ULK4: variants seen among roughly 807,000 people sequenced by gnomAD.
ULK4 encodes the protein inactive serine/threonine-protein kinase ULK4.
A neutral mutation model predicts 160.6 loss-of-function variants in ULK4; 133 were observed. The observed-to-expected ratio is 0.83, with a 90% CI of 0.72 to 0.96. The LOEUF is 0.96. ULK4 is among the 40% of genes least tolerant of loss of function. ULK4 has a pLI of 0.00. For missense variants in ULK4, 1,580 were observed against 1,499.5 expected, an observed-to-expected ratio of 1.05 and a Z score of -0.89; for synonymous variants, 534 against 539.8, an observed-to-expected ratio of 0.99 and a Z score of 0.15.
chr3:41,902,588 G>GAAAAAAAAAAAAAA, intron 12 of ULK4, among the ~76,000 whole-genome samples: 1 of 94,792 alleles, frequency 1.1e-5, no homozygotes, highest in Non-Finnish European at 2.2e-5. Flanking sequence ...AAAAAAAAAA[G>GAAAAAAAAAAAAAA]AAAAAAAAAA....
intron 2 of ULK4, among the ~76,000 whole-genome samples, chr3:41,953,300 ATATATTTT>A (rs1285068179): frequency 3.4e-4 from 38 of 111,950 alleles, no homozygotes; most frequent in African/African-American, 1.5e-3. Context: ...ATATATATAT[ATATATTTT>A]TTTTTTTTTT....
intron 17 of ULK4, chr3:41,882,008 G>A (rs1697538941): frequency 9.6e-6 from 5 of 519,032 alleles, no homozygotes; most frequent in Non-Finnish European, 1.4e-5. Flanking sequence ...GCAACAGCAA[G>A]TACCAGTAGA....
At chr3:41,739,738 A>T (rs2038179666) in intron 22 of ULK4, among the ~76,000 whole-genome samples, 1 of 151,526 alleles carries the variant, frequency 6.6e-6, no homozygotes, top group African/African-American at 2.4e-5. Context: ...GTCAACAAAG[A>T]CTCCTTCTCC....
intron 30 of ULK4, among the ~76,000 whole-genome samples, chr3:41,624,817 T>C (rs2033420856): frequency 6.6e-6 from 1 of 152,230 alleles, no homozygotes; most frequent in African/African-American, 2.4e-5. Flanking sequence ...TGCTGCGTTT[T>C]TTTCTATTCA....
intron 30 of ULK4, among the ~76,000 whole-genome samples, chr3:41,661,271 T>C (rs186878573): frequency 2.0e-5 from 3 of 152,176 alleles, no homozygotes; most frequent in Non-Finnish European, 2.9e-5. Flanking sequence ...AAATATGATA[T>C]GAAAAGATCT....
rs1338493199 is a variant in ULK4 at position 41,304,215 on chromosome 3, G to A, written c.3679-54641C>T. 2.8e-5 allele frequency among the ~76,000 whole-genome samples: 4 copies of A among 143,434 alleles called. No homozygotes were observed. The South Asian group carries it at 8.7e-4, about 31-fold the overall frequency. 94.1% of individuals were successfully genotyped at this position (143,434 alleles called of 152,430 possible). On this transcript the variant is annotated intron_variant, in intron 35 of 36. Transcript: ENST00000301831. ...TTGAGCCCAGGAGACGGAGGTTGCA[G>A]TGAGCCAAGATCGCGCCATTGCACT...
At chr3:41,561,013 CTCT>C (rs775477261) in intron 32 of ULK4, among the ~76,000 whole-genome samples, 3 of 152,150 alleles carry the variant, frequency 2.0e-5, no homozygotes, top group East Asian at 1.9e-4. Context: ...TCATAAATAG[CTCT>C]TCTTATTTTG....
At chr3:41,856,557 A>G (rs1163008956) in intron 17 of ULK4, among the ~76,000 whole-genome samples, 3 of 42,938 alleles carry the variant, frequency 7.0e-5, no homozygotes, top group African/African-American at 1.3e-4. Context: ...ATGTGTATAT[A>G]TATACACATA....
chr3:41,486,913 T>G (rs540965639), intron 32 of ULK4, among the ~76,000 whole-genome samples: 30 of 152,242 alleles, frequency 2.0e-4, no homozygotes, highest in African/African-American at 7.0e-4. Context: ...CAGATTTGGT[T>G]AGGTAATCTA....
chr3:41,430,413 T>G (rs1453514462), intron 34 of ULK4, among the ~76,000 whole-genome samples: 2 of 152,216 alleles, frequency 1.3e-5, no homozygotes, highest in African/African-American at 4.8e-5. Context: ...ACTATAGGAC[T>G]TGGTTGCCCC....
chr3:41,740,798 T>G (rs1459003255), intron 22 of ULK4, among the ~76,000 whole-genome samples: 1 of 151,874 alleles, frequency 6.6e-6, no homozygotes, highest in African/African-American at 2.4e-5. Context: ...AAGGGACAAG[T>G]AAGGAAGGAA....
At chr3:41,635,047 C>A (rs535910233) in intron 30 of ULK4, among the ~76,000 whole-genome samples, 2 of 152,246 alleles carry the variant, frequency 1.3e-5, no homozygotes, top group East Asian at 3.9e-4. Flanking sequence ...GAAATGAAAA[C>A]GGTCAAAAAG....
chr3:41,754,317 C>T (rs1214886582), intron 22 of ULK4, 44 bp downstream of exon 22: 2 of 1,586,138 alleles, frequency 1.3e-6, no homozygotes, highest in African/African-American at 1.4e-5. Flanking sequence ...ATACAACAGG[C>T]ACTAAATTGA....
chr3:41,841,444 C>T (rs1396302423), intron 17 of ULK4, among the ~76,000 whole-genome samples: 2 of 145,582 alleles, frequency 1.4e-5, no homozygotes, highest in Non-Finnish European at 3.0e-5. Flanking sequence ...GAAGTGGGCA[C>T]CTCTGCCCGG....
chr3:41,597,398 G>A (rs527339256), intron 31 of ULK4, among the ~76,000 whole-genome samples: 8 of 152,210 alleles, frequency 5.3e-5, no homozygotes, highest in East Asian at 3.9e-4. Flanking sequence ...ATCAAGACAC[G>A]GCAAATTTTA....
At chr3:41,450,288 C>A (rs1053465698) in intron 34 of ULK4, among the ~76,000 whole-genome samples, 1 of 151,992 alleles carries the variant, frequency 6.6e-6, no homozygotes, top group African/African-American at 2.4e-5. Context: ...CTATGGTTAC[C>A]AACTGAGGGT....
chr3:41,475,020 T>A (rs774690910), intron 32 of ULK4, among the ~76,000 whole-genome samples: 2 of 152,094 alleles, frequency 1.3e-5, no homozygotes, highest in Admixed American at 6.5e-5. Context: ...AATCAACACA[T>A]TGAAGAGATA....
chr3:41,336,721 G>C (rs1371081714), intron 35 of ULK4, among the ~76,000 whole-genome samples: 2 of 152,160 alleles, frequency 1.3e-5, no homozygotes, highest in Admixed American at 6.5e-5. Flanking sequence ...TTTCCACAAA[G>C]CCTGGGATTG....
chr3:41,622,569 G>T lies in ULK4; in HGVS notation c.3072-6852C>A, dbSNP rs182488039. Among the ~76,000 whole-genome samples the T allele has an allele frequency of 3.9e-3, 587 of 152,190 alleles. 5 individuals are homozygous for T. Among genetic ancestry groups the T allele is most frequent in the African/African-American group, 0.013 (544 of 41,528 alleles). On this transcript the variant is annotated intron_variant, in intron 30 of 36. Coordinates refer to ENST00000301831, the MANE Select transcript of ULK4 (RefSeq NM_017886.4). ...ATGAGAACACACACATGGACACAAG[G>T]AGGGGAACATCATACACCAGGGCCT...
Sources: gnomAD v4.1 joint callset for allele counts (sites outside exome capture counted in the v4.1 genomes callset) on GRCh38, gnomAD v4.1.1 for gene constraint, MANE v1.5 for transcripts, NCBI Gene and HGNC (gene_info 2026-07-23, HGNC 2026-07-21) for gene names.